Variants in SLC25A42 observed in about 807,000 individuals in gnomAD.
SLC25A42 encodes the protein mitochondrial coenzyme A transporter SLC25A42.
SLC25A42 carries 19 observed loss-of-function variants against 34.7 expected under a neutral mutation model. The observed-to-expected ratio is 0.55, with a 90% confidence interval of 0.38 to 0.80. The LOEUF is 0.80. Ranked by LOEUF, SLC25A42 falls within the 30% of genes least tolerant of loss-of-function variation. The pLI is 0.00. For missense variants in SLC25A42, 364 were observed against 441.3 expected, an observed-to-expected ratio of 0.82 and a Z score of 1.57; for synonymous variants, 205 against 191.2, an observed-to-expected ratio of 1.07 and a Z score of -0.59.
chr19:19,074,477 A>G (rs1452432944), intron 1 of SLC25A42, among the ~76,000 whole-genome samples: 2 of 152,204 alleles, frequency 1.3e-5, no homozygotes, highest in Non-Finnish European at 2.9e-5. Flanking sequence ...GCTGCTTATA[A>G]TAAACTCCAT....
chr19:19,064,497 G>C (rs1023636257), intron 1 of SLC25A42, among the ~76,000 whole-genome samples: 1 of 120,682 alleles, frequency 8.3e-6, no homozygotes, highest in Non-Finnish European at 1.6e-5. Context: ...GTCTGTCCTT[G>C]TCGATGACAC....
chr19:19,096,211 T>A lies in SLC25A42; in HGVS notation c.81+6T>A, dbSNP rs976603492. The A allele has an allele frequency of 6.2e-7, 1 of 1,604,008 alleles. No homozygotes were observed. Among genetic ancestry groups the A allele is most frequent in the Non-Finnish European group, 8.5e-7 (1 of 1,173,102 alleles). On this transcript the variant is annotated splice_donor_region_variant and intron_variant, in intron 2 of 7. Transcript: ENST00000318596. ...CCTCGTCCGTCTCATCAAAGGCAAG[T>A]ACCCCGGCCTCCTGGGATGGGTGTT...
chr19:19,101,996 G>T (rs1170243475), intron 3 of SLC25A42, 110 bp downstream of exon 3: 2 of 691,800 alleles, frequency 2.9e-6, no homozygotes, highest in Non-Finnish European at 2.4e-6. Context: ...ATTTATTTTA[G>T]AAATAAGGTT....
In SLC25A42 at chr19:19,106,278, C is replaced by G; in HGVS notation, c.390C>G (p.Pro130=). The change falls in exon 6 of 8, where the codon CCC becomes CCG. Residue 130 remains proline, a synonymous_variant. Transcript: ENST00000318596. ...SYYGFRGEAL[P]PWPRLFAGAL... ...CTCCTGCCCTGTTCAGAGCCCTGCC[C>G]CCTTGGCCTCGCCTCTTCGCCGGCG... 1 of 1,611,852 alleles carries G rather than the reference C, an allele frequency of 6.2e-7. No individual in the cohort carries two copies.
chr19:19,065,718 T>G (rs2145892735), intron 1 of SLC25A42, among the ~76,000 whole-genome samples: 1 of 152,370 alleles, frequency 6.6e-6, no homozygotes, highest in South Asian at 2.1e-4. Flanking sequence ...TATATATGTA[T>G]GTATATGTGT....
At position 19,070,942 on chromosome 19, in the gene SLC25A42, A is replaced by G. The variant is rs139724600; in HGVS notation, c.-35+6827A>G. On this transcript the variant is annotated intron_variant, in intron 1 of 7. Transcript: ENST00000318596. Reference sequence around the variant, plus strand: ...CCTGTCTCCCTCGGAAGGTGGAGGCATCCAGATGCTCTAAGCCACCAAGGA... The same window carrying G: ...CCTGTCTCCCTCGGAAGGTGGAGGCGTCCAGATGCTCTAAGCCACCAAGGA... Among the ~76,000 whole-genome samples the G allele has an allele frequency of 2.0e-5, 3 of 150,408 alleles. No homozygotes were observed. The East Asian group carries it at 5.9e-4, about 29-fold the overall frequency.
intron 2 of SLC25A42, 49 bp downstream of exon 2, chr19:19,096,254 T>TGGGGCCCCCC: frequency 4.8e-6 from 7 of 1,456,580 alleles, no homozygotes; most frequent in Non-Finnish European, 3.8e-6. Flanking sequence ...GGCCCCAGCC[T>TGGGGCCCCCC]CCCCACCCCC....
intron 1 of SLC25A42, among the ~76,000 whole-genome samples, chr19:19,074,556 G>T (rs1445083923): frequency 6.6e-6 from 1 of 152,162 alleles, no homozygotes; most frequent in Non-Finnish European, 1.5e-5. Context: ...AAGGGGTGGA[G>T]CTGGCAGTTG....
chr19:19,093,877 C>T (rs1024190579), intron 1 of SLC25A42, among the ~76,000 whole-genome samples: 6 of 152,140 alleles, frequency 3.9e-5, no homozygotes, highest in African/African-American at 1.4e-4. Flanking sequence ...AGGATTTTGC[C>T]AGGTTGGCCA....
chr19:19,086,704 G>A (rs958098301), intron 1 of SLC25A42, among the ~76,000 whole-genome samples: 1 of 151,796 alleles, frequency 6.6e-6, no homozygotes, highest in Non-Finnish European at 1.5e-5. Flanking sequence ...GCAGTGGTGC[G>A]ATCTCAGCTC....
chr19:19,071,496 A>G (rs904065702), intron 1 of SLC25A42, among the ~76,000 whole-genome samples: 7 of 152,178 alleles, frequency 4.6e-5, no homozygotes, highest in African/African-American at 1.7e-4. Context: ...TCAGGGGGCC[A>G]GGGAGATTTT....
At chr19:19,076,733 G>C (rs2059657603) in intron 1 of SLC25A42, among the ~76,000 whole-genome samples, 1 of 152,198 alleles carries the variant, frequency 6.6e-6, no homozygotes, top group Non-Finnish European at 1.5e-5. Context: ...ATATAGCTCA[G>C]TGAATTTTTA....
rs565632398 is a variant in SLC25A42, at chr19:19,106,466, A to C, written c.497+81A>C. Reference sequence around the variant, plus strand: ...CTCCCAGGTCGGAATCCCTCTCTCTATCGGGCCCCAGGGGTTTGCATCTGG... The same window carrying C: ...CTCCCAGGTCGGAATCCCTCTCTCTCTCGGGCCCCAGGGGTTTGCATCTGG... On this transcript the variant is annotated intron_variant, in intron 6 of 7. Transcript: ENST00000318596. 2.9e-5 allele frequency: 34 copies of C among 1,178,374 alleles called. No homozygotes were observed. In the South Asian group the frequency reaches 4.0e-4, roughly 14 times the overall value. The allele number at this position is 1,178,374 out of a possible 1,614,324, so 73.0% of individuals were successfully genotyped here. A position where few individuals can be genotyped will look rare whatever the true frequency, so the allele number is the denominator to read the frequency against.
intron 1 of SLC25A42, among the ~76,000 whole-genome samples, chr19:19,091,697 G>A (rs896101563): frequency 1.3e-5 from 2 of 151,968 alleles, no homozygotes; most frequent in Admixed American, 6.6e-5. Context: ...GGCAACATAA[G>A]GAGACCCTGT....
In SLC25A42 at chr19:19,105,566, C is replaced by G; in HGVS notation, c.219C>G (p.Ala73=). 6.2e-7 allele frequency: 1 copy of G among 1,611,716 alleles called. No homozygotes were observed. The highest frequency in any genetic ancestry group is 8.5e-7 in the Non-Finnish European group (1 of 1,178,248). The change falls in exon 5 of 8, where the codon GCC becomes GCG. Residue 73 remains alanine (A), a synonymous_variant. Coordinates refer to ENST00000318596, the MANE Select transcript of SLC25A42 (RefSeq NM_178526.5). ...VSSKRFSAKE[A]FRVLYYTYLN... ...ACCTTCCCGCTTATCTCCAGGAGGC[C>G]TTCCGGGTCCTCTACTACACCTACC...
chr19:19,105,709 A>G lies in SLC25A42; in HGVS notation c.362A>G (p.Tyr121Cys). The G allele has an allele frequency of 6.3e-7, 1 of 1,594,366 alleles. No homozygotes were observed. The highest frequency in any genetic ancestry group is 1.7e-5 in the Admixed American group (1 of 57,964). Residue 121 changes from tyrosine to cysteine, a missense_variant, in exon 5 of 8, where the codon TAC becomes TGC. Coordinates refer to ENST00000318596, the MANE Select transcript of SLC25A42 (RefSeq NM_178526.5). ...HEEYKRILGS[Y>C]YGFRGEALPP... is the part of the protein sequence containing the mutation. Reference sequence around the variant, plus strand: ...GAGTACAAGCGCATCCTGGGCAGCTACTATGGCTTCCGTGGAGAGTGAGGC... The same window carrying G: ...GAGTACAAGCGCATCCTGGGCAGCTGCTATGGCTTCCGTGGAGAGTGAGGC...
At chr19:19,069,393 C>T (rs2059618055) in intron 1 of SLC25A42, among the ~76,000 whole-genome samples, 1 of 152,278 alleles carries the variant, frequency 6.6e-6, no homozygotes, top group South Asian at 2.1e-4. Context: ...CCTGCATATT[C>T]GTTTCCCGTG....
At chr19:19,068,837 CAAATAAATAAATAAAT>C (rs111792120) in intron 1 of SLC25A42, among the ~76,000 whole-genome samples, 1 of 137,478 alleles carries the variant, frequency 7.3e-6, no homozygotes, top group Non-Finnish European at 1.6e-5. Flanking sequence ...CACTCAGTCT[CAAATAAATAAATAAAT>C]AAATAAATAA....
intron 2 of SLC25A42, among the ~76,000 whole-genome samples, chr19:19,101,039 A>G (rs1172794307): frequency 6.6e-6 from 1 of 152,150 alleles, no homozygotes; most frequent in African/African-American, 2.4e-5. Flanking sequence ...TGGCCGAGTC[A>G]GCAGGGGAAA....
Sources: allele counts gnomAD v4.1 joint callset (sites outside exome capture counted in the v4.1 genomes callset), GRCh38; gene constraint gnomAD v4.1.1; transcripts MANE v1.5; gene names NCBI Gene and HGNC (gene_info 2026-07-23, HGNC 2026-07-21).